The following MLLT3 variants were observed in gnomAD, a reference collection of about 807,000 sequenced individuals.
MLLT3 encodes the protein protein AF-9.
A neutral mutation model predicts 53.2 loss-of-function variants in MLLT3; 4 were observed. The ratio of observed to expected loss-of-function variants is 0.08; its 90% confidence interval spans 0.04 to 0.17. The LOEUF is 0.17. Among genes scored for constraint, MLLT3 ranks in the 10% least tolerant of loss-of-function variants. The pLI, the probability that MLLT3 is intolerant of heterozygous loss-of-function variation, is 1.00. For missense variants in MLLT3, 569 were observed against 684.0 expected, an observed-to-expected ratio of 0.83 and a Z score of 1.87; for synonymous variants, 283 against 230.6, an observed-to-expected ratio of 1.23 and a Z score of -2.06.
intron 2 of MLLT3, among the ~76,000 whole-genome samples, chr9:20,546,491 C>T (rs918277571): frequency 2.0e-5 from 3 of 151,296 alleles, no homozygotes; most frequent in Non-Finnish European, 4.4e-5. Context: ...CTGCAGTGAG[C>T]TCTGATCACA....
Position 20,622,374 on chromosome 9 carries a change from G to T in MLLT3, c.-118C>A. 1.1e-6 allele frequency: 1 copy of T among 923,112 alleles called. No individual in the cohort carries two copies. The highest frequency in any genetic ancestry group is 1.6e-6 in the Non-Finnish European group (1 of 632,018). 57.2% of individuals were successfully genotyped at this position (923,112 alleles called of 1,614,324 possible). On this transcript the variant is annotated 5_prime_UTR_variant, in exon 1 of 11. An upstream open reading frame in the 5' UTR gains an earlier in-frame stop. Coordinates refer to ENST00000380338, the MANE Select transcript of MLLT3 (RefSeq NM_004529.4). ...ATGAGAGCGCGCCCAGGAGCGGAGGGTAGATGGCGGACATTCTCTGCCTTT... is the reference window on the plus strand; with the variant it reads ...ATGAGAGCGCGCCCAGGAGCGGAGGTTAGATGGCGGACATTCTCTGCCTTT...
intron 5 of MLLT3, among the ~76,000 whole-genome samples, chr9:20,375,136 C>A: frequency 6.6e-6 from 1 of 152,222 alleles, no homozygotes; most frequent in East Asian, 1.9e-4. Flanking sequence ...GACACTCAGT[C>A]TACTGTATTT....
chr9:20,535,688 C>T (rs1046475707), intron 2 of MLLT3, among the ~76,000 whole-genome samples: 2 of 152,168 alleles, frequency 1.3e-5, no homozygotes, highest in African/African-American at 4.8e-5. Context: ...AGCCCTGAAC[C>T]AGCAGGGTCT....
Position 20,343,825 on chromosome 9 carries a change from T to C in MLLT3, c.*2618A>G, listed in dbSNP as rs563542999. ...ACTCACATGTCAAAGATATTCTTAA[T>C]AGGCTTCAAAGTTGGGTGTATATAA... On this transcript the variant is annotated 3_prime_UTR_variant, in exon 11 of 11. Transcript: ENST00000380338. 11 of 210,586 alleles carry C rather than the reference T, an allele frequency of 5.2e-5. No individual in the cohort carries two copies. In the South Asian group the frequency reaches 1.3e-3, roughly 25 times the overall value. The allele number at this position is 210,586 out of a possible 1,614,324, so 13.0% of individuals were successfully genotyped here.
In MLLT3 at chr9:20,448,834, T is replaced by C. The variant is rs1347387559; in HGVS notation, c.277-568A>G. 6.6e-6 allele frequency among the ~76,000 whole-genome samples: 1 copy of C among 152,198 alleles called. No individual in the cohort carries two copies. Among genetic ancestry groups the C allele is most frequent in the Non-Finnish European group, 1.5e-5 (1 of 68,024 alleles). ...ATAGCCATTGGGCTAAAAATCCTAA[T>C]CTCACTTGAATGTCACATAAGGGCC... On this transcript the variant is annotated intron_variant, in intron 3 of 10. Transcript: ENST00000380338. This position sits in a 1 kb window ranked among gnomAD's most constrained non-coding sequence, Gnocchi z 4.0.
intron 4 of MLLT3, among the ~76,000 whole-genome samples, chr9:20,421,805 T>G (rs1422767394): frequency 6.6e-6 from 1 of 152,054 alleles, no homozygotes; most frequent in Non-Finnish European, 1.5e-5. Flanking sequence ...AATAGGTACT[T>G]AAATACCAAA....
At chr9:20,505,193 G>C (rs1484001684) in intron 2 of MLLT3, among the ~76,000 whole-genome samples, 2 of 152,122 alleles carry the variant, frequency 1.3e-5, no homozygotes, top group African/African-American at 4.8e-5. Flanking sequence ...AAGTCAAATA[G>C]ATCAAAAGCT....
At position 20,414,133 on chromosome 9, in the gene MLLT3, T is replaced by C; in HGVS notation, c.713A>G (p.Glu238Gly). ...SSKESSKKPKENKPLKEEKIV... is the reference protein window; with the variant it reads ...SSKESSKKPKGNKPLKEEKIV... ...TTTCTCTTCTTTCAGTGGTTTATTT[T>C]CTTTGGGTTTCTTAGAGGATTCTTT... is the stretch of plus-strand genomic sequence containing the variant. The change falls in exon 5 of 11, where the codon GAA (glutamate) becomes GGA (glycine). Residue 238 changes from glutamate to glycine, a missense_variant. Glu to Gly is a moderately conservative substitution (Grantham distance 98). Coordinates refer to ENST00000380338, the MANE Select transcript of MLLT3 (RefSeq NM_004529.4). 1 of 1,613,948 alleles carries C rather than the reference T, an allele frequency of 6.2e-7. No individual in the cohort carries two copies. Among genetic ancestry groups the C allele is most frequent in the Non-Finnish European group, 8.5e-7 (1 of 1,179,988 alleles).
intron 2 of MLLT3, among the ~76,000 whole-genome samples, chr9:20,580,656 T>A (rs186676688): frequency 9.5e-4 from 145 of 152,330 alleles, no homozygotes; most frequent in African/African-American, 3.4e-3. Context: ...AAATATAATA[T>A]AGTTTTCCTT....
rs539955318 is a variant in MLLT3 at position 20,571,696 on chromosome 9, C to T, written c.193+48958G>A. ...ATGAGTGAGAACATGCAGAAAACAA[C>T]CTGATTTTAAAATGGGCAAAGGACC... On this transcript the variant is annotated intron_variant, in intron 2 of 10. Transcript: ENST00000380338. Among the ~76,000 whole-genome samples the T allele has an allele frequency of 1.1e-3, 169 of 152,030 alleles. 1 individual carries two copies. Among genetic ancestry groups the T allele is most frequent in the African/African-American group, 3.5e-3 (143 of 41,438 alleles).
rs146956327 is a variant in MLLT3 at position 20,569,737 on chromosome 9, C to G, written c.193+50917G>C. On this transcript the variant is annotated intron_variant, in intron 2 of 10. Transcript: ENST00000380338. ...TTCCAAATCCCAGTTTCTCCACTCA[C>G]AAGTTCTATGACTTTGGGCACGTCA... Among the ~76,000 whole-genome samples the G allele has an allele frequency of 6.2e-4, 95 of 152,304 alleles. No homozygotes were observed. In the East Asian group the frequency reaches 0.016, roughly 26 times the overall value.
chr9:20,524,307 T>G (rs1818144731), intron 2 of MLLT3, among the ~76,000 whole-genome samples: 1 of 151,902 alleles, frequency 6.6e-6, no homozygotes, highest in Non-Finnish European at 1.5e-5. Context: ...AAGTAAGTGT[T>G]TTGCTTCTTA....
At chr9:20,575,663 G>C (rs1377339965) in intron 2 of MLLT3, among the ~76,000 whole-genome samples, 1 of 152,098 alleles carries the variant, frequency 6.6e-6, no homozygotes, top group African/African-American at 2.4e-5. Context: ...GTAATATTTT[G>C]AAAGAAATCT....
intron 2 of MLLT3, among the ~76,000 whole-genome samples, chr9:20,477,738 A>G (rs1824562092): frequency 6.6e-6 from 1 of 152,150 alleles, no homozygotes; most frequent in Non-Finnish European, 1.5e-5. Context: ...AGGGAGATAC[A>G]GAGAGGGTGC....
chr9:20,537,894 GT>G (rs1394743635), intron 2 of MLLT3, among the ~76,000 whole-genome samples: 1 of 152,118 alleles, frequency 6.6e-6, no homozygotes. Flanking sequence ...CTTAGCCTAG[GT>G]TTGAAACATA....
At chr9:20,538,060 G>C (rs1401101260) in intron 2 of MLLT3, among the ~76,000 whole-genome samples, 1 of 152,102 alleles carries the variant, frequency 6.6e-6, no homozygotes, top group Non-Finnish European at 1.5e-5. Context: ...TATACCATCT[G>C]GGTGTTAGAA....
chr9:20,437,641 C>A (rs1563965457), intron 4 of MLLT3, among the ~76,000 whole-genome samples: 1 of 152,120 alleles, frequency 6.6e-6, no homozygotes, highest in African/African-American at 2.4e-5. Context: ...AGTTCTAGCC[C>A]TGGCCCTGAG....
intron 2 of MLLT3, among the ~76,000 whole-genome samples, chr9:20,608,546 T>A (rs1298877789): frequency 6.6e-6 from 1 of 151,938 alleles, no homozygotes; most frequent in Non-Finnish European, 1.5e-5. Context: ...TTAAGAAAGG[T>A]AAGAACGTTA....
chr9:20,431,735 A>C (rs2118816152), intron 4 of MLLT3, among the ~76,000 whole-genome samples: 1 of 152,334 alleles, frequency 6.6e-6, no homozygotes, highest in Non-Finnish European at 1.5e-5. Context: ...GGGGTAATCT[A>C]GATATCTAGA....
Sources: allele counts gnomAD v4.1 joint callset (sites outside exome capture counted in the v4.1 genomes callset), GRCh38; gene constraint gnomAD v4.1.1; non-coding constraint Gnocchi (gnomAD v3.1); transcripts MANE v1.5; gene names NCBI Gene and HGNC (gene_info 2026-07-23, HGNC 2026-07-21).